SPAG16: variants seen among roughly 807,000 people sequenced by gnomAD.
SPAG16 encodes the protein sperm associated antigen 16.
SPAG16 carries 86 observed loss-of-function variants against 80.4 expected under a neutral mutation model. That is an observed-to-expected ratio of 1.07 (90% confidence interval 0.90 to 1.28). The LOEUF (loss-of-function observed/expected upper bound fraction) is 1.28. Ranked by LOEUF, SPAG16 falls within the 50% of genes most tolerant of loss-of-function variation. The pLI is 0.00. For missense variants in SPAG16, 870 were observed against 765.3 expected (o/e 1.14, Z -1.61); for synonymous variants, 294 against 265.9 (o/e 1.11, Z -1.03).
At chr2:213,354,524 T>A (rs1181328915) in intron 7 of SPAG16, among the ~76,000 whole-genome samples, 1 of 152,224 alleles carries the variant, frequency 6.6e-6, no homozygotes, top group Non-Finnish European at 1.5e-5. Flanking sequence ...TCATTCCTAT[T>A]TCTCCACATC....
chr2:214,123,072 G>C (rs751605551), intron 14 of SPAG16, among the ~76,000 whole-genome samples: 2 of 151,436 alleles, frequency 1.3e-5, no homozygotes, highest in African/African-American at 4.8e-5. Flanking sequence ...AAAGTGAAAC[G>C]CTTTAAAAAA....
intron 10 of SPAG16, among the ~76,000 whole-genome samples, chr2:213,696,631 A>C (rs2065163565): frequency 6.6e-6 from 1 of 152,172 alleles, no homozygotes; most frequent in Non-Finnish European, 1.5e-5. Flanking sequence ...AGAGGATGCA[A>C]ATGTACATAC....
At chr2:213,381,539 C>T (rs891224072) in intron 9 of SPAG16, among the ~76,000 whole-genome samples, 7 of 152,082 alleles carry the variant, frequency 4.6e-5, no homozygotes, top group African/African-American at 1.4e-4. Context: ...TTAATGATTC[C>T]ATACGTAGTC....
chr2:213,696,062 C>G (rs2065141320), intron 10 of SPAG16, among the ~76,000 whole-genome samples: 1 of 151,952 alleles, frequency 6.6e-6, no homozygotes, highest in South Asian at 2.1e-4. Flanking sequence ...GAATGGTTGA[C>G]AGATTAAGAG....
intron 15 of SPAG16, among the ~76,000 whole-genome samples, chr2:214,183,299 CTT>C (rs1299462575): frequency 1.3e-5 from 2 of 151,894 alleles, no homozygotes; most frequent in Non-Finnish European, 2.9e-5. Context: ...TATAGACAGA[CTT>C]TCACTCAGGG....
chr2:213,978,219 CAG>C (rs2045520634), intron 12 of SPAG16, among the ~76,000 whole-genome samples: 1 of 152,038 alleles, frequency 6.6e-6, no homozygotes, highest in South Asian at 2.1e-4. Flanking sequence ...TTACTCTAAA[CAG>C]AGTATATTCA....
chr2:213,677,935 A>T (rs1559368338), intron 10 of SPAG16, among the ~76,000 whole-genome samples: 3 of 152,068 alleles, frequency 2.0e-5, no homozygotes, highest in Non-Finnish European at 4.4e-5. Flanking sequence ...ACCACAGTGC[A>T]ATCAAACTAG....
intron 10 of SPAG16, among the ~76,000 whole-genome samples, chr2:213,577,140 A>G (rs1196741985): frequency 1.3e-5 from 2 of 152,144 alleles, no homozygotes; most frequent in African/African-American, 4.8e-5. Flanking sequence ...TAGTTCAATT[A>G]ATAAAGGGTA....
chr2:213,908,832 T>C (rs146433177), intron 11 of SPAG16, among the ~76,000 whole-genome samples: 4,252 of 151,832 alleles, frequency 0.028, 199 homozygotes, highest in African/African-American at 0.096. Flanking sequence ...TGCAGGTTAG[T>C]TACATATGTA....
intron 13 of SPAG16, among the ~76,000 whole-genome samples, chr2:214,021,029 T>G (rs1486784999): frequency 6.6e-6 from 1 of 152,174 alleles, no homozygotes; most frequent in Admixed American, 6.6e-5. Context: ...AATCATATTA[T>G]TTTCAAAATT....
intron 8 of SPAG16, among the ~76,000 whole-genome samples, chr2:213,368,859 A>G (rs1290727760): frequency 6.6e-6 from 1 of 152,192 alleles, no homozygotes; most frequent in East Asian, 1.9e-4. Context: ...CTTACAAAGG[A>G]TGTGAAGGAC....
chr2:214,246,218 A>G (rs1689836840), intron 15 of SPAG16, among the ~76,000 whole-genome samples: 1 of 151,334 alleles, frequency 6.6e-6, no homozygotes, highest in African/African-American at 2.4e-5. Context: ...TGGACTCCGT[A>G]GTTTACAAAC....
chr2:213,352,158 C>CTTT (rs534931836), intron 7 of SPAG16, among the ~76,000 whole-genome samples: 1 of 141,756 alleles, frequency 7.1e-6, no homozygotes, highest in Non-Finnish European at 1.5e-5. Context: ...AACCTCTAGT[C>CTTT]TTTTTTTTTT....
At chr2:214,250,221 C>G (rs972662860) in intron 15 of SPAG16, 4 of 152,104 alleles carry the variant, frequency 2.6e-5, no homozygotes, top group African/African-American at 9.7e-5. Context: ...TAAGCATTCT[C>G]TCTGCCACAT....
intron 12 of SPAG16, among the ~76,000 whole-genome samples, chr2:213,952,181 G>T (rs2079821562): frequency 6.6e-6 from 1 of 152,028 alleles, no homozygotes; most frequent in African/African-American, 2.4e-5. Context: ...ATACAAAAAT[G>T]CATCGAAAAC....
At chr2:214,319,340 T>G (rs1482266744) in intron 15 of SPAG16, among the ~76,000 whole-genome samples, 1 of 151,652 alleles carries the variant, frequency 6.6e-6, no homozygotes, top group Non-Finnish European at 1.5e-5. Context: ...AGAGAGGAGG[T>G]ATGTACAGAG....
chr2:213,359,468 A>T (rs2065855544), intron 7 of SPAG16, among the ~76,000 whole-genome samples: 1 of 152,098 alleles, frequency 6.6e-6, no homozygotes, highest in African/African-American at 2.4e-5. Context: ...TACCTACTGA[A>T]GCCTCAGCAA....
intron 10 of SPAG16, among the ~76,000 whole-genome samples, chr2:213,663,103 A>G (rs573085320): frequency 6.6e-6 from 1 of 152,126 alleles, no homozygotes; most frequent in East Asian, 1.9e-4. Context: ...TATTTGCCCA[A>G]AAAATTAACT....
intron 10 of SPAG16, among the ~76,000 whole-genome samples, chr2:213,590,456 A>T (rs939988533): frequency 1.4e-4 from 21 of 152,012 alleles, no homozygotes; most frequent in African/African-American, 5.1e-4. Context: ...GAAAAAAAAA[A>T]AAACAAATAA....
Sources: gnomAD v4.1 joint callset for allele counts (sites outside exome capture counted in the v4.1 genomes callset) on GRCh38, gnomAD v4.1.1 for gene constraint, MANE v1.5 for transcripts, NCBI Gene and HGNC (gene_info 2026-07-23, HGNC 2026-07-21) for gene names.